SPAG11B: variants seen among roughly 807,000 people sequenced by gnomAD.
SPAG11B encodes sperm associated antigen 11B.
A neutral mutation model predicts 8.9 loss-of-function variants in SPAG11B; 5 were observed. The observed-to-expected ratio is 0.56, with a 90% CI of 0.29 to 1.19. The LOEUF is 1.19. SPAG11B is among the 50% of genes most tolerant of loss of function. The pLI is 0.08. For missense variants in SPAG11B, 38 were observed against 146.4 expected, an observed-to-expected ratio of 0.26 and a Z score of 3.82; for synonymous variants, 12 against 53.0, an observed-to-expected ratio of 0.23 and a Z score of 3.36.
At chr8:7,459,458 C>G (rs1431479388) in intron 2 of SPAG11B, among the ~76,000 whole-genome samples, 1 of 146,978 alleles carries the variant, frequency 6.8e-6, no homozygotes, top group Non-Finnish European at 1.5e-5. Context: ...AAACCATGGA[C>G]TAATTGAAAG....
Position 7,451,248 on chromosome 8 carries a change from G to A in SPAG11B, c.215-348C>T, listed in dbSNP as rs773825651. The A allele has an allele frequency of 5.2e-6, 7 of 1,349,420 alleles. 1 individual carries two copies. The highest frequency in any genetic ancestry group is 7.2e-6 in the Non-Finnish European group (7 of 965,522). The allele number at this position is 1,349,420 out of a possible 1,614,324, so 83.6% of individuals were successfully genotyped here. A position where few individuals can be genotyped will look rare whatever the true frequency, so the allele number is the denominator to read the frequency against. On this transcript the variant is annotated intron_variant, in intron 2 of 2. Transcript: ENST00000398462. ...TGGAAAACAGAAGTGGTCCAGAATA[G>A]GACAGGTCTTGGTCTCTAAGGAAAT... is the stretch of plus-strand genomic sequence containing the variant.
chr8:7,449,525 A>T (rs1270944942), downstream of SPAG11B, among the ~76,000 whole-genome samples: 2 of 150,198 alleles, frequency 1.3e-5, no homozygotes, highest in African/African-American at 5.0e-5. Flanking sequence ...TCCCCTCTAG[A>T]GGCATGACAG....
chr8:7,450,362 G>A (rs1206595089), downstream of SPAG11B, among the ~76,000 whole-genome samples: 2 of 147,120 alleles, frequency 1.4e-5, no homozygotes, highest in African/African-American at 5.2e-5. Context: ...GGCTAGTGCT[G>A]GGTGTGGTAA....
intron 2 of SPAG11B, among the ~76,000 whole-genome samples, chr8:7,451,847 C>G (rs1380653148): frequency 2.6e-5 from 4 of 151,510 alleles, no homozygotes; most frequent in Admixed American, 2.0e-4. Context: ...GTTTGAAGAC[C>G]TACTATGACC....
In SPAG11B at chr8:7,453,795, T is replaced by C. The variant is rs566869628; in HGVS notation, c.215-2895A>G. Among the ~76,000 whole-genome samples the C allele has an allele frequency of 1.6e-3, 231 of 148,560 alleles. 8 individuals carry two copies. Among genetic ancestry groups the C allele is most frequent in the African/African-American group, 5.6e-3 (219 of 39,020 alleles). On this transcript the variant is annotated intron_variant, in intron 2 of 2. Coordinates refer to ENST00000398462, the MANE Select transcript of SPAG11B (RefSeq NM_058201.4). ...CCTCTGGAGAGATTAAGCAGGACAA[T>C]GTGCCCTGGCAGGGACTCTCTGACT...
At chr8:7,453,472 T>C (rs1200149577) in intron 2 of SPAG11B, among the ~76,000 whole-genome samples, 1 of 147,370 alleles carries the variant, frequency 6.8e-6, no homozygotes, top group East Asian at 2.0e-4. Flanking sequence ...CAGAGATGAA[T>C]CCATACCCCA....
At chr8:7,458,995 T>C (rs1421067355) in intron 2 of SPAG11B, among the ~76,000 whole-genome samples, 1 of 90,824 alleles carries the variant, frequency 1.1e-5, no homozygotes, top group African/African-American at 7.0e-5. Flanking sequence ...GGTCGGGAGT[T>C]TGAGACCAGC....
At chr8:7,453,593 T>G (rs62636856) in intron 2 of SPAG11B, among the ~76,000 whole-genome samples, 122,282 of 148,828 alleles carry the variant, frequency 0.82, 48,746 homozygotes, top group East Asian at 0.88. Context: ...CATATTTTCT[T>G]CAAGCTGTCT....
At chr8:7,458,585 C>T (rs1463981485) in intron 2 of SPAG11B, among the ~76,000 whole-genome samples, 41 of 62,794 alleles carry the variant, frequency 6.5e-4, no homozygotes, top group Non-Finnish European at 9.8e-4. Flanking sequence ...GAAAGTCACA[C>T]GTTGAGAAAG....
intron 2 of SPAG11B, among the ~76,000 whole-genome samples, chr8:7,453,280 T>C (rs142903610): frequency 2.4e-5 from 3 of 123,080 alleles, no homozygotes; most frequent in Non-Finnish European, 3.4e-5. Context: ...AGTGGATAAA[T>C]CTGCACATTT....
chr8:7,453,608 C>T (rs1318419920), intron 2 of SPAG11B, among the ~76,000 whole-genome samples: 6 of 150,238 alleles, frequency 4.0e-5, no homozygotes, highest in Admixed American at 2.7e-4. Context: ...CTGTCTTCTG[C>T]GTTATTTAAC....
intron 2 of SPAG11B, among the ~76,000 whole-genome samples, chr8:7,453,868 T>C (rs1810340113): frequency 6.7e-6 from 1 of 149,152 alleles, no homozygotes; most frequent in African/African-American, 2.5e-5. Context: ...GTTAAGACTT[T>C]AGGGAAAATT....
At chr8:7,453,374 A>T (rs1389394342) in intron 2 of SPAG11B, among the ~76,000 whole-genome samples, 1 of 149,186 alleles carries the variant, frequency 6.7e-6, no homozygotes, top group Non-Finnish European at 1.5e-5. Context: ...AGTGAGAAGG[A>T]TGTCTTCTCT....
intron 2 of SPAG11B, among the ~76,000 whole-genome samples, chr8:7,458,580 T>A (rs1374232013): frequency 3.4e-4 from 21 of 61,626 alleles, no homozygotes; most frequent in African/African-American, 1.7e-3. Context: ...CATGAGAAAG[T>A]CACACGTTGA....
Position 7,451,574 on chromosome 8 carries a change from A to G in SPAG11B, c.215-674T>C, listed in dbSNP as rs1443294847. On this transcript the variant is annotated intron_variant, in intron 2 of 2. Transcript: ENST00000398462. ...GGAAAACACTCTTGCACAACATCCA[A>G]CCTCCAAACGGGGTCTAATCCCTGA... 1.0e-4 allele frequency among the ~76,000 whole-genome samples: 13 copies of G among 123,930 alleles called. No homozygotes were observed. The East Asian group carries it at 3.0e-3, about 29-fold the overall frequency. 81.3% of individuals were successfully genotyped at this position (123,930 alleles called of 152,430 possible).
intron 2 of SPAG11B, among the ~76,000 whole-genome samples, chr8:7,453,976 G>T (rs1311134304): frequency 6.9e-6 from 1 of 144,166 alleles, no homozygotes; most frequent in African/African-American, 2.7e-5. Context: ...TTGTAAAATA[G>T]TTATGAATAT....
intron 2 of SPAG11B, 23 bp from the exon 3 acceptor site, chr8:7,450,923 T>G (rs774728444): frequency 6.5e-7 from 1 of 1,550,196 alleles, no homozygotes; most frequent in African/African-American, 1.5e-5. Context: ...CAGAAGAGAG[T>G]TGACATTTAA....
chr8:7,455,786 G>C (rs1361010360), intron 2 of SPAG11B, among the ~76,000 whole-genome samples: 1 of 152,200 alleles, frequency 6.6e-6, no homozygotes, highest in African/African-American at 2.4e-5. Context: ...AGTCACAAAA[G>C]GAAAAGAAGT....
chr8:7,449,402 C>A (rs1489015209), downstream of SPAG11B, among the ~76,000 whole-genome samples: 1 of 146,602 alleles, frequency 6.8e-6, no homozygotes, highest in East Asian at 2.0e-4. Flanking sequence ...TGGCTGAGAA[C>A]GTGTCTGCCA....
Sources: gnomAD v4.1 joint callset for allele counts (sites outside exome capture counted in the v4.1 genomes callset) on GRCh38, gnomAD v4.1.1 for gene constraint, MANE v1.5 for transcripts, NCBI Gene and HGNC (gene_info 2026-07-23, HGNC 2026-07-21) for gene names.